PLPP1: variants seen among roughly 807,000 people sequenced by gnomAD.
PLPP1 encodes the protein phospholipid phosphatase 1, also known as lipid phosphate phosphohydrolase 1a.
A neutral mutation model predicts 31.2 loss-of-function variants in PLPP1; 24 were observed. The observed-to-expected ratio is 0.77, with a 90% CI of 0.56 to 1.08. PLPP1 has a LOEUF of 1.08. Ranked by LOEUF, PLPP1 falls within the 50% of genes least tolerant of loss-of-function variation. The probability of loss-of-function intolerance (pLI) is 0.00; values close to 1 mark genes in which losing one functional copy is unlikely to be tolerated. For missense variants in PLPP1, 319 were observed against 342.7 expected, an observed-to-expected ratio of 0.93 and a Z score of 0.55; for synonymous variants, 146 against 126.3, an observed-to-expected ratio of 1.16 and a Z score of -1.05.
chr5:55,454,164 T>TA (rs1751954294), intron 3 of PLPP1, among the ~76,000 whole-genome samples: 1 of 152,100 alleles, frequency 6.6e-6, no homozygotes, highest in Non-Finnish European at 1.5e-5. Flanking sequence ...TTATAAACAT[T>TA]ACCCCAGAAG....
chr5:55,450,635 G>A (rs763099423), intron 3 of PLPP1, among the ~76,000 whole-genome samples: 2 of 152,134 alleles, frequency 1.3e-5, no homozygotes, highest in Non-Finnish European at 2.9e-5. Context: ...CTACTAACCA[G>A]GGGAAGGAAA....
At chr5:55,513,272 T>C (rs967417953) in intron 1 of PLPP1, among the ~76,000 whole-genome samples, 1 of 146,908 alleles carries the variant, frequency 6.8e-6, no homozygotes, top group East Asian at 2.0e-4. Context: ...TGACTCCTTT[T>C]TTTTTAAGAC....
At chr5:55,455,622 A>T (rs757524690) in intron 3 of PLPP1, among the ~76,000 whole-genome samples, 4 of 152,150 alleles carry the variant, frequency 2.6e-5, no homozygotes, top group Non-Finnish European at 4.4e-5. Flanking sequence ...CCCTGTCTTA[A>T]TTTTTTAAAA....
At chr5:55,426,572 GTT>G (rs10573958) in intron 4 of PLPP1, among the ~76,000 whole-genome samples, 2,046 of 147,912 alleles carry the variant, frequency 0.014, 20 homozygotes, top group Middle Eastern at 0.038. Context: ...CAGCTAATTG[GTT>G]TTTTTTTTTT....
chr5:55,532,284 C>T (rs77554499), intron 1 of PLPP1, among the ~76,000 whole-genome samples: 2,773 of 152,152 alleles, frequency 0.018, 33 homozygotes, highest in Non-Finnish European at 0.028. Context: ...TTAGCTTCAG[C>T]TACCTCAGAG....
intron 1 of PLPP1, among the ~76,000 whole-genome samples, chr5:55,512,723 T>TACACACACAC (rs71600885): frequency 0.03 from 1,312 of 43,192 alleles, 18 homozygotes; most frequent in South Asian, 0.096. Flanking sequence ...CATTATAAAC[T>TACACACACAC]ACACACACAC....
chr5:55,495,128 T>A, intron 1 of PLPP1, among the ~76,000 whole-genome samples: 2 of 65,690 alleles, frequency 3.0e-5, no homozygotes, highest in African/African-American at 5.1e-5. Context: ...CAAAACTCTG[T>A]CTCCAAAAAA....
chr5:55,431,113 CAA>C (rs1751337788), intron 4 of PLPP1, among the ~76,000 whole-genome samples: 1 of 152,012 alleles, frequency 6.6e-6, no homozygotes, highest in South Asian at 2.1e-4. Context: ...TCTCAGAAAA[CAA>C]AAATAAAAGG....
intron 1 of PLPP1, among the ~76,000 whole-genome samples, chr5:55,488,193 T>A (rs1310730542): frequency 1.3e-5 from 2 of 151,454 alleles, no homozygotes; most frequent in African/African-American, 4.9e-5. Flanking sequence ...TGATACTAAG[T>A]CTTTTTCCAC....
intron 1 of PLPP1, among the ~76,000 whole-genome samples, chr5:55,529,323 G>T (rs1169373866): frequency 6.6e-6 from 1 of 151,922 alleles, no homozygotes; most frequent in East Asian, 1.9e-4. Context: ...AAACTGAGAT[G>T]AAGCCAAACC....
chr5:55,501,181 C>T (rs938435845), intron 1 of PLPP1, among the ~76,000 whole-genome samples: 4 of 152,056 alleles, frequency 2.6e-5, no homozygotes, highest in African/African-American at 7.2e-5. Context: ...GGCACAGAGG[C>T]GGATGCCTGT....
At chr5:55,518,117 G>A (rs1367612653) in intron 1 of PLPP1, among the ~76,000 whole-genome samples, 2 of 152,120 alleles carry the variant, frequency 1.3e-5, no homozygotes, top group Admixed American at 6.5e-5. Context: ...ACAGTCATGG[G>A]CCACCGCACC....
At position 55,437,309 on chromosome 5, in the gene PLPP1, G is replaced by T. The variant is rs527729759; in HGVS notation, c.549+4542C>A. ...ATTTTGCCTTTCCTTGACTAATCTT[G>T]TTAACACTTCTTAACTGTAAAATGT... On this transcript the variant is annotated intron_variant, in intron 4 of 5. Coordinates refer to ENST00000307259, the MANE Select transcript of PLPP1 (RefSeq NM_003711.4). 1.6e-4 allele frequency among the ~76,000 whole-genome samples: 25 copies of T among 152,006 alleles called. No homozygotes were observed. The East Asian group carries it at 3.5e-3, about 21-fold the overall frequency.
At chr5:55,530,897 G>A (rs1236407996) in intron 1 of PLPP1, among the ~76,000 whole-genome samples, 4 of 152,224 alleles carry the variant, frequency 2.6e-5, no homozygotes, top group Non-Finnish European at 5.9e-5. Flanking sequence ...GGAACAAGGC[G>A]ATGGTGACAG....
At chr5:55,525,009 G>C (rs890942032) in intron 1 of PLPP1, among the ~76,000 whole-genome samples, 2 of 152,126 alleles carry the variant, frequency 1.3e-5, no homozygotes, top group African/African-American at 4.8e-5. Context: ...GACCTACACA[G>C]ATCAATTTTC....
At chr5:55,482,974 C>CAT (rs1200105679) in intron 1 of PLPP1, among the ~76,000 whole-genome samples, 1 of 152,118 alleles carries the variant, frequency 6.6e-6, no homozygotes, top group East Asian at 1.9e-4. Flanking sequence ...AGAAAATCCA[C>CAT]ATATATATAG....
chr5:55,459,047 T>C (rs1024697908), intron 3 of PLPP1, among the ~76,000 whole-genome samples: 1 of 151,818 alleles, frequency 6.6e-6, no homozygotes. Context: ...CTCTAAAAGA[T>C]ACACTTTAAA....
At chr5:55,471,163 A>AT (rs1412574072) in intron 2 of PLPP1, among the ~76,000 whole-genome samples, 1 of 148,892 alleles carries the variant, frequency 6.7e-6, no homozygotes, top group African/African-American at 2.5e-5. Context: ...TATTCTACTG[A>AT]TTTTTTTCTC....
intron 3 of PLPP1, among the ~76,000 whole-genome samples, chr5:55,451,107 C>G (rs1309014393): frequency 6.6e-6 from 1 of 152,092 alleles, no homozygotes; most frequent in Non-Finnish European, 1.5e-5. Flanking sequence ...AATCATCACT[C>G]TTGGTGACTA....
Sources: gnomAD v4.1 joint callset for allele counts (sites outside exome capture counted in the v4.1 genomes callset) on GRCh38, gnomAD v4.1.1 for gene constraint, MANE v1.5 for transcripts, NCBI Gene and HGNC (gene_info 2026-07-23, HGNC 2026-07-21) for gene names.